PCCA: variants seen among roughly 807,000 people sequenced by gnomAD.
PCCA encodes propionyl-CoA carboxylase subunit alpha, also known as propionyl-CoA carboxylase alpha chain, mitochondrial.
Under a neutral mutation model 101.3 loss-of-function variants are expected in PCCA, and 74 were observed. The ratio of observed to expected loss-of-function variants is 0.73; its 90% CI spans 0.61 to 0.89. The LOEUF (loss-of-function observed/expected upper bound fraction) is 0.89. Among genes scored for constraint, PCCA ranks in the 40% least tolerant of loss-of-function variants. The pLI is 0.00. For synonymous variants in PCCA, 294 were observed against 313.6 expected, an observed-to-expected ratio of 0.94 and a Z score of 0.66; for missense variants, 891 against 907.0, an observed-to-expected ratio of 0.98 and a Z score of 0.23.
intron 19 of PCCA, among the ~76,000 whole-genome samples, chr13:100,376,921 G>A (rs958165075): frequency 5.3e-4 from 81 of 152,224 alleles, no homozygotes; most frequent in African/African-American, 1.9e-3. Flanking sequence ...TTGAAACCCA[G>A]GGCCCTGGTG....
chr13:100,175,290 G>A (rs2056134648), intron 6 of PCCA, among the ~76,000 whole-genome samples: 1 of 152,028 alleles, frequency 6.6e-6, no homozygotes, highest in African/African-American at 2.4e-5. Flanking sequence ...CCAAACCTTA[G>A]ATCCTATTTG....
intron 10 of PCCA, among the ~76,000 whole-genome samples, chr13:100,265,848 A>AT (rs397696438): frequency 6.6e-6 from 1 of 151,274 alleles, no homozygotes; most frequent in Non-Finnish European, 1.5e-5. Flanking sequence ...AGAAAAAAAA[A>AT]TAAGGTGATT....
chr13:100,121,153 G>GT (rs747251831), intron 4 of PCCA, among the ~76,000 whole-genome samples: 1,935 of 99,420 alleles, frequency 0.019, 17 homozygotes, highest in Non-Finnish European at 0.023. Context: ...GATTTCTTAG[G>GT]TTTTTTTTTT....
At chr13:100,502,802 A>C (rs774705569) in intron 21 of PCCA, among the ~76,000 whole-genome samples, 3 of 152,252 alleles carry the variant, frequency 2.0e-5, no homozygotes, top group Non-Finnish European at 4.4e-5. Flanking sequence ...AGCCAGGCAG[A>C]GTTGTCTGTT....
intron 19 of PCCA, among the ~76,000 whole-genome samples, chr13:100,403,055 G>A (rs975293779): frequency 1.3e-5 from 2 of 151,004 alleles, no homozygotes; most frequent in East Asian, 3.9e-4. Flanking sequence ...TTTGAACTGA[G>A]AAAACTTGTA....
rs532047915 is a variant in PCCA, at chr13:100,346,184, C to G, written c.1643+5925C>G. ...AGAAATACATTTCACAAGGCGATAG[C>G]TGCCATAAATAGTGATTCCTATGAT... is the stretch of plus-strand genomic sequence containing the variant. On this transcript the variant is annotated intron_variant, in intron 18 of 23. Coordinates refer to ENST00000376285, the MANE Select transcript of PCCA (RefSeq NM_000282.4). Among the ~76,000 whole-genome samples the G allele has an allele frequency of 3.3e-5, 5 of 152,254 alleles. No homozygotes were observed. In the South Asian group the frequency reaches 1.0e-3, roughly 32 times the overall value.
At chr13:100,402,373 T>C (rs1024095552) in intron 19 of PCCA, among the ~76,000 whole-genome samples, 4 of 152,162 alleles carry the variant, frequency 2.6e-5, no homozygotes, top group Non-Finnish European at 4.4e-5. Context: ...TGTGTCAGTT[T>C]TTATATTTTA....
intron 22 of PCCA, 22 bp downstream of exon 22, chr13:100,515,589 C>T: frequency 6.2e-7 from 1 of 1,612,096 alleles, no homozygotes. Flanking sequence ...GTGTGTCTCT[C>T]TGCAGGACAT....
chr13:100,342,840 G>A (rs2071590374), intron 18 of PCCA, among the ~76,000 whole-genome samples: 1 of 151,576 alleles, frequency 6.6e-6, no homozygotes, highest in Non-Finnish European at 1.5e-5. Flanking sequence ...TCCTGCCTCA[G>A]TGTCCCTGGT....
At chr13:100,348,799 C>T (rs201073566) in intron 18 of PCCA, among the ~76,000 whole-genome samples, 510 of 71,622 alleles carry the variant, frequency 7.1e-3, no homozygotes, top group Non-Finnish European at 0.01. Flanking sequence ...TTCCTTCCTT[C>T]CTTCCTTCCT....
chr13:100,275,689 T>C (rs191272932), intron 12 of PCCA, among the ~76,000 whole-genome samples: 8 of 152,306 alleles, frequency 5.3e-5, no homozygotes, highest in South Asian at 2.1e-4. Context: ...CCTTTTTTTT[T>C]CTTTCTTTTG....
At chr13:100,375,619 G>A (rs1416639803) in intron 19 of PCCA, among the ~76,000 whole-genome samples, 2 of 152,040 alleles carry the variant, frequency 1.3e-5, no homozygotes, top group Non-Finnish European at 2.9e-5. Context: ...TACCAGGCCT[G>A]CCTTACAAGA....
At chr13:100,264,101 GTATATATACGGTATCTGTA>G in intron 10 of PCCA, among the ~76,000 whole-genome samples, 3 of 137,146 alleles carry the variant, frequency 2.2e-5, no homozygotes, top group Non-Finnish European at 4.7e-5. Flanking sequence ...TCTGTATATC[GTATATATACGGTATCTGTA>G]TATCGTATAT....
intron 17 of PCCA, among the ~76,000 whole-genome samples, chr13:100,332,184 C>A (rs574123765): frequency 7.9e-5 from 12 of 151,996 alleles, no homozygotes; most frequent in Non-Finnish European, 1.6e-4. Context: ...GTGATCTGCC[C>A]GCCTCGGCCT....
At chr13:100,222,136 G>A (rs1332068076) in intron 7 of PCCA, among the ~76,000 whole-genome samples, 3 of 152,082 alleles carry the variant, frequency 2.0e-5, no homozygotes, top group South Asian at 2.1e-4. Flanking sequence ...CGCCCCCTGG[G>A]TTCAAGCGAT....
intron 21 of PCCA, among the ~76,000 whole-genome samples, chr13:100,473,955 G>A (rs2083220448): frequency 6.6e-6 from 1 of 152,182 alleles, no homozygotes; most frequent in Non-Finnish European, 1.5e-5. Flanking sequence ...TGCTTACTGT[G>A]ACTTTTTTGT....
intron 17 of PCCA, among the ~76,000 whole-genome samples, chr13:100,339,664 G>GAAGAATTCATGCAGAGAAGCA (rs2071014582): frequency 6.6e-6 from 1 of 152,212 alleles, no homozygotes; most frequent in Admixed American, 6.5e-5. Context: ...CAGAGAAGCA[G>GAAGAATTCATGCAGAGAAGCA]AAGAATCACG....
chr13:100,181,339 A>G (rs1420294942), intron 6 of PCCA, among the ~76,000 whole-genome samples: 1 of 152,230 alleles, frequency 6.6e-6, no homozygotes, highest in East Asian at 1.9e-4. Flanking sequence ...CACTGAGGAA[A>G]TTATTTAAAA....
intron 19 of PCCA, among the ~76,000 whole-genome samples, chr13:100,375,189 C>T (rs1303343464): frequency 6.6e-6 from 1 of 152,160 alleles, no homozygotes; most frequent in Non-Finnish European, 1.5e-5. Flanking sequence ...GAATGAGTTT[C>T]TTAATCCTGA....
Sources: allele counts gnomAD v4.1 joint callset (sites outside exome capture counted in the v4.1 genomes callset), GRCh38; gene constraint gnomAD v4.1.1; transcripts MANE v1.5; gene names NCBI Gene and HGNC (gene_info 2026-07-23, HGNC 2026-07-21).